Variants in KCNIP4 observed in about 807,000 individuals in gnomAD.
KCNIP4 encodes the protein potassium voltage-gated channel interacting protein 4, also known as Kv channel-interacting protein 4.
In KCNIP4, 12 loss-of-function variants were observed where a neutral mutation model predicts 34.0. That is an observed-to-expected ratio of 0.35 (90% confidence interval 0.23 to 0.57). KCNIP4 has a LOEUF of 0.57. KCNIP4 is among the 20% of genes least tolerant of loss of function. The pLI, the probability that KCNIP4 is intolerant of heterozygous loss-of-function variation, is 0.83. For synonymous variants in KCNIP4, 124 were observed against 102.2 expected, an observed-to-expected ratio of 1.21 and a Z score of -1.29; for missense variants, 238 against 311.7, an observed-to-expected ratio of 0.76 and a Z score of 1.78.
chr4:21,408,281 C>T (rs1227788529), intron 1 of KCNIP4, among the ~76,000 whole-genome samples: 1 of 152,152 alleles, frequency 6.6e-6, no homozygotes, highest in South Asian at 2.1e-4. Flanking sequence ...CAATTTTATG[C>T]CCTCCAAGGA....
chr4:21,855,009 T>C, intron 1 of KCNIP4, among the ~76,000 whole-genome samples: 1 of 152,224 alleles, frequency 6.6e-6, no homozygotes, highest in Non-Finnish European at 1.5e-5. Context: ...TTCCCTGCTC[T>C]ATCATTTGCC....
At chr4:21,044,244 G>C (rs1170608485) in intron 1 of KCNIP4, among the ~76,000 whole-genome samples, 1 of 151,946 alleles carries the variant, frequency 6.6e-6, no homozygotes, top group Non-Finnish European at 1.5e-5. Flanking sequence ...ATTGTCCTAT[G>C]GACTCTGTTT....
chr4:21,504,338 C>T (rs566489791), intron 1 of KCNIP4, among the ~76,000 whole-genome samples: 4 of 151,486 alleles, frequency 2.6e-5, no homozygotes, highest in East Asian at 2.0e-4. Flanking sequence ...CATGGTGGCG[C>T]GTGCCTGTAA....
At chr4:21,925,302 C>G (rs1046393989) in intron 1 of KCNIP4, among the ~76,000 whole-genome samples, 1 of 147,110 alleles carries the variant, frequency 6.8e-6, no homozygotes, top group African/African-American at 2.5e-5. Flanking sequence ...TCTCATTGTT[C>G]AATTCCCACC....
chr4:21,844,803 T>C (rs963534783), intron 1 of KCNIP4: 1 of 152,074 alleles, frequency 6.6e-6, no homozygotes, highest in Non-Finnish European at 1.5e-5. Flanking sequence ...TTCTATGTTA[T>C]GCTGAAATTG....
At chr4:20,810,244 G>A (rs1039039249) in intron 3 of KCNIP4, among the ~76,000 whole-genome samples, 2 of 152,194 alleles carry the variant, frequency 1.3e-5, no homozygotes, top group South Asian at 4.1e-4. Context: ...GAAAATGAGA[G>A]GCTTGGACCA....
At chr4:21,401,766 T>C (rs1041342132) in intron 1 of KCNIP4, among the ~76,000 whole-genome samples, 4 of 152,190 alleles carry the variant, frequency 2.6e-5, no homozygotes, top group Non-Finnish European at 5.9e-5. Context: ...GTGAGCCCAT[T>C]ATATAATTTA....
chr4:21,334,316 G>C (rs1029812795), intron 1 of KCNIP4, among the ~76,000 whole-genome samples: 9 of 151,882 alleles, frequency 5.9e-5, no homozygotes, highest in Non-Finnish European at 1.3e-4. Flanking sequence ...TATGTACTAA[G>C]ATCTCCAAAA....
intron 2 of KCNIP4, among the ~76,000 whole-genome samples, chr4:20,864,626 C>T (rs372789160): frequency 6.6e-6 from 1 of 151,914 alleles, no homozygotes; most frequent in Non-Finnish European, 1.5e-5. Context: ...GATGATGCCC[C>T]ACTTATCTAG....
chr4:21,145,005 C>T (rs1010696647), intron 1 of KCNIP4, among the ~76,000 whole-genome samples: 1 of 151,704 alleles, frequency 6.6e-6, no homozygotes, highest in Non-Finnish European at 1.5e-5. Flanking sequence ...AATATGAATA[C>T]AAAATGAAAC....
At chr4:20,941,647 T>C (rs1181988288) in intron 1 of KCNIP4, among the ~76,000 whole-genome samples, 7 of 152,210 alleles carry the variant, frequency 4.6e-5, no homozygotes, top group African/African-American at 1.7e-4. Context: ...TCCAATGAAA[T>C]GCCATACAGA....
intron 5 of KCNIP4, among the ~76,000 whole-genome samples, chr4:20,746,320 A>T (rs1269947505): frequency 1.3e-5 from 2 of 152,082 alleles, no homozygotes; most frequent in Non-Finnish European, 2.9e-5. Flanking sequence ...GGAATTGAAC[A>T]ATGAGAACAC....
At chr4:21,562,357 G>A (rs149249730) in intron 1 of KCNIP4, among the ~76,000 whole-genome samples, 8 of 152,080 alleles carry the variant, frequency 5.3e-5, no homozygotes, top group African/African-American at 9.6e-5. Flanking sequence ...TTACCGAGGT[G>A]GATGTGCCAT....
Position 21,233,499 on chromosome 4 carries a change from G to A in KCNIP4, c.62-350790C>T, listed in dbSNP as rs62295324. On this transcript the variant is annotated intron_variant, in intron 1 of 8. Coordinates refer to ENST00000382152, the MANE Select transcript of KCNIP4 (RefSeq NM_025221.6). ...TAGAATTGTTGCCAGGGAAAAGGTAGAGGGTGAGGATTCAGAAGAGAGAGA... is the reference window on the plus strand; with the variant it reads ...TAGAATTGTTGCCAGGGAAAAGGTAAAGGGTGAGGATTCAGAAGAGAGAGA... Among the ~76,000 whole-genome samples, 749 of 152,180 alleles carry A rather than the reference G, an allele frequency of 4.9e-3. 3 individuals are homozygous for A. Among genetic ancestry groups the A allele is most frequent in the Non-Finnish European group, 8.9e-3 (606 of 68,008 alleles).
At chr4:21,338,359 G>A (rs2109340868) in intron 1 of KCNIP4, among the ~76,000 whole-genome samples, 2 of 150,786 alleles carry the variant, frequency 1.3e-5, no homozygotes, top group South Asian at 4.2e-4. Context: ...TATACATTGT[G>A]ACATGGGAAC....
intron 1 of KCNIP4, among the ~76,000 whole-genome samples, chr4:21,935,209 A>G (rs993618604): frequency 1.3e-5 from 2 of 151,998 alleles, no homozygotes; most frequent in African/African-American, 4.8e-5. Flanking sequence ...TTCTCTAACT[A>G]TACCTTCCTA....
rs749727194 is a variant in KCNIP4 at position 21,371,682 on chromosome 4, G to A, written c.62-488973C>T. Among the ~76,000 whole-genome samples, 86 of 147,116 alleles carry A rather than the reference G, an allele frequency of 5.8e-4. 1 individual carries two copies. The highest frequency in any genetic ancestry group is 1.1e-3 in the South Asian group (5 of 4,734). On this transcript the variant is annotated intron_variant, in intron 1 of 8. Transcript: ENST00000382152. Reference sequence around the variant, plus strand: ...ATATAGCATCTTGGGAACCTGGAGAGGATGTAAGAGATTGGTTCCAGATGT... The same window carrying A: ...ATATAGCATCTTGGGAACCTGGAGAAGATGTAAGAGATTGGTTCCAGATGT...
At chr4:21,245,880 TAA>T (rs1443613889) in intron 1 of KCNIP4, among the ~76,000 whole-genome samples, 1 of 152,200 alleles carries the variant, frequency 6.6e-6, no homozygotes, top group African/African-American at 2.4e-5. Context: ...ATTGATACTA[TAA>T]ATTATTACAT....
intron 1 of KCNIP4, among the ~76,000 whole-genome samples, chr4:21,317,022 T>A (rs1354060830): frequency 6.6e-6 from 1 of 152,150 alleles, no homozygotes; most frequent in Non-Finnish European, 1.5e-5. Flanking sequence ...TTCTCAAAGG[T>A]AACATCAGTT....
Sources: gnomAD v4.1 joint callset for allele counts (sites outside exome capture counted in the v4.1 genomes callset) on GRCh38, gnomAD v4.1.1 for gene constraint, MANE v1.5 for transcripts, NCBI Gene and HGNC (gene_info 2026-07-23, HGNC 2026-07-21) for gene names.